Variants in AQP9 observed in about 807,000 individuals in gnomAD.
AQP9 encodes the protein aquaporin-9.
A neutral mutation model predicts 23.8 loss-of-function variants in AQP9; 19 were observed. The observed-to-expected ratio is 0.80, with a 90% CI of 0.56 to 1.17. The LOEUF (loss-of-function observed/expected upper bound fraction) is 1.17, where lower values mean the gene tolerates loss of function less well. AQP9 is among the 50% of genes most tolerant of loss of function. The pLI, the probability that AQP9 is intolerant of heterozygous loss-of-function variation, is 0.00. For missense variants in AQP9, 413 were observed against 362.0 expected, an observed-to-expected ratio of 1.14 and a Z score of -1.14; for synonymous variants, 153 against 131.5, an observed-to-expected ratio of 1.16 and a Z score of -1.12.
intron 1 of AQP9, among the ~76,000 whole-genome samples, chr15:58,139,801 G>A (rs1366812940): frequency 6.6e-6 from 1 of 152,188 alleles, no homozygotes; most frequent in Non-Finnish European, 1.5e-5. Flanking sequence ...ATTCGTTACA[G>A]TATTTTCAGG....
chr15:58,144,746 T>C (rs1898010887), intron 1 of AQP9, among the ~76,000 whole-genome samples: 3 of 152,140 alleles, frequency 2.0e-5, no homozygotes, highest in African/African-American at 7.2e-5. Context: ...CCAGGCGCGG[T>C]GGCTCATGCC....
chr15:58,164,614 G>C (rs1898459248), intron 1 of AQP9, among the ~76,000 whole-genome samples: 1 of 152,258 alleles, frequency 6.6e-6, no homozygotes, highest in African/African-American at 2.4e-5. Flanking sequence ...AAAAGAGAAA[G>C]GGGACATGTT....
intron 1 of AQP9, among the ~76,000 whole-genome samples, chr15:58,158,946 A>C (rs1208629666): frequency 2.0e-5 from 3 of 152,294 alleles, no homozygotes; most frequent in African/African-American, 7.2e-5. Context: ...CAGTTCTTAC[A>C]TACTCACCGA....
intron 1 of AQP9, among the ~76,000 whole-genome samples, chr15:58,148,994 C>G (rs1566981231): frequency 6.6e-6 from 1 of 152,132 alleles, no homozygotes; most frequent in Non-Finnish European, 1.5e-5. Context: ...GGCTGCATGC[C>G]ACCACATATT....
intron 1 of AQP9, among the ~76,000 whole-genome samples, chr15:58,149,514 A>G (rs1387212233): frequency 6.6e-6 from 1 of 152,226 alleles, no homozygotes; most frequent in Admixed American, 6.5e-5. Flanking sequence ...ACAGAAAGAG[A>G]GCCTTAGTCA....
Position 58,184,120 on chromosome 15 carries a change from C to G in AQP9, c.873C>G (p.Leu291=), listed in dbSNP as rs761335431. The G allele has an allele frequency of 8.7e-6, 14 of 1,613,860 alleles. No homozygotes were observed. In the East Asian group the frequency reaches 2.2e-4, roughly 26 times the overall value. The change falls in exon 6 of 6, where the codon CTC becomes CTG. Residue 291 remains leucine (L), a synonymous_variant. Coordinates refer to ENST00000219919, the MANE Select transcript of AQP9 (RefSeq NM_020980.5). The part of the protein sequence containing the change: ...QSEDKPEKYE[L]SVIM ...AGGACAAACCAGAGAAATATGAACT[C>G]AGTGTCATCATGTAGTGGCATGCTC...
chr15:58,146,378 C>A (rs543542194), intron 1 of AQP9, among the ~76,000 whole-genome samples: 1 of 152,170 alleles, frequency 6.6e-6, no homozygotes, highest in South Asian at 2.1e-4. Flanking sequence ...TTGGTTCTAT[C>A]TAATCTTCTG....
In AQP9 at chr15:58,138,644, C is replaced by G. The variant is rs370409793; in HGVS notation, c.79C>G (p.Leu27Val). The G allele has an allele frequency of 6.2e-7, 1 of 1,613,796 alleles. No homozygotes were observed. The highest frequency in any genetic ancestry group is 1.3e-5 in the African/African-American group (1 of 75,012). The change falls in exon 1 of 6, where the codon CTC (leucine) becomes GTC (valine). Residue 27 changes from leucine (L) to valine (V), a missense_variant. Coordinates refer to ENST00000219919, the MANE Select transcript of AQP9 (RefSeq NM_020980.5). ...VLKSSLAKET[L>V]SEFLGTFILI... Reference sequence around the variant, plus strand: ...GAAGAGCAGCTTAGCGAAAGAAACCCTCTCTGAGTTCTTGGGCACGTTCAT... The same window carrying G: ...GAAGAGCAGCTTAGCGAAAGAAACCGTCTCTGAGTTCTTGGGCACGTTCAT...
At chr15:58,138,882 C>G (rs558165035) in intron 1 of AQP9, 2 of 497,556 alleles carry the variant, frequency 4.0e-6, no homozygotes, top group South Asian at 4.7e-5. Context: ...CATTTACCCA[C>G]AAAAGTTGAT....
At chr15:58,182,695 G>A (rs995460000) in intron 5 of AQP9, among the ~76,000 whole-genome samples, 4 of 152,126 alleles carry the variant, frequency 2.6e-5, no homozygotes, top group Admixed American at 6.6e-5. Flanking sequence ...CTGTGAGGGC[G>A]GCCGAGTACA....
At chr15:58,176,514 G>C (rs558048008) in intron 4 of AQP9, among the ~76,000 whole-genome samples, 1 of 151,868 alleles carries the variant, frequency 6.6e-6, no homozygotes, top group South Asian at 2.1e-4. Flanking sequence ...AAGAAAATTA[G>C]ATAGGAAACT....
chr15:58,168,216 A>C lies in AQP9; in HGVS notation c.238+1417A>C, dbSNP rs576560649. ...GCTAATTTTTGTATTTTTTTTGTAG[A>C]GACAGGGTCTTGCCATGTTGCCCAG... On this transcript the variant is annotated intron_variant, in intron 2 of 5. Coordinates refer to ENST00000219919, the MANE Select transcript of AQP9 (RefSeq NM_020980.5). Among the ~76,000 whole-genome samples, 267 of 151,566 alleles carry C rather than the reference A, an allele frequency of 1.8e-3. 1 individual carries two copies. The highest frequency in any genetic ancestry group is 6.2e-3 in the African/African-American group (254 of 41,278).
chr15:58,183,902 G>A (rs1304497113), intron 5 of AQP9, 59 bp from the exon 6 acceptor site: 3 of 1,566,564 alleles, frequency 1.9e-6, no homozygotes, highest in African/African-American at 2.7e-5. Flanking sequence ...TGAAAAACTA[G>A]ACAGTAATAC....
In AQP9 at chr15:58,172,534, T is replaced by C. The variant is rs143999023; in HGVS notation, c.239-534T>C. On this transcript the variant is annotated intron_variant, in intron 2 of 5. Coordinates refer to ENST00000219919, the MANE Select transcript of AQP9 (RefSeq NM_020980.5). ...GGAACTGAGAACAAGCCACTCACACTGTGACCACCTCAAAATCAACTATGC... is the reference window on the plus strand; with the variant it reads ...GGAACTGAGAACAAGCCACTCACACCGTGACCACCTCAAAATCAACTATGC... 8.2e-4 allele frequency among the ~76,000 whole-genome samples: 125 copies of C among 152,350 alleles called. 1 individual carries two copies. In the East Asian group the frequency reaches 0.017, roughly 20 times the overall value.
At chr15:58,179,993 C>T (rs934068044) in intron 5 of AQP9, among the ~76,000 whole-genome samples, 1 of 152,134 alleles carries the variant, frequency 6.6e-6, no homozygotes, top group Admixed American at 6.6e-5. Context: ...GTAAGAACTT[C>T]CGGACAGGAC....
intron 5 of AQP9, among the ~76,000 whole-genome samples, chr15:58,180,711 G>A (rs145050706): frequency 1.6e-3 from 245 of 152,250 alleles, no homozygotes; most frequent in Admixed American, 3.0e-3. Context: ...TGGTTGTCAC[G>A]GCTGGACCTG....
Position 58,166,675 on chromosome 15 carries a change from C to T in AQP9, c.114C>T (p.Val38=). The T allele has an allele frequency of 6.2e-7, 1 of 1,608,880 alleles. No homozygotes were observed. The highest frequency in any genetic ancestry group is 8.5e-7 in the Non-Finnish European group (1 of 1,177,350). ...SEFLGTFILI[V]LGCGCVAQAI... ...GTTGAGTTTTCCTCTCATTCCAGGT[C>T]CTTGGATGTGGCTGTGTTGCCCAAG... The change falls in exon 2 of 6, where the codon GTC becomes GTT. Residue 38 remains valine (V), a splice_region_variant and synonymous_variant. Coordinates refer to ENST00000219919, the MANE Select transcript of AQP9 (RefSeq NM_020980.5).
intron 5 of AQP9, 132 bp downstream of exon 5, chr15:58,179,477 C>A: frequency 1.4e-6 from 1 of 713,208 alleles, no homozygotes. Flanking sequence ...TGGTCATAAG[C>A]ATGAGACATT....
At chr15:58,154,165 T>A (rs1284519740) in intron 1 of AQP9, 1 of 152,078 alleles carries the variant, frequency 6.6e-6, no homozygotes, top group Non-Finnish European at 1.5e-5. Context: ...TATACTAGGT[T>A]TTTACTCAGC....
Sources: allele counts gnomAD v4.1 joint callset (sites outside exome capture counted in the v4.1 genomes callset), GRCh38; gene constraint gnomAD v4.1.1; transcripts MANE v1.5; gene names NCBI Gene and HGNC (gene_info 2026-07-23, HGNC 2026-07-21).